The following CACNA1E variants were observed in gnomAD, a reference collection of about 807,000 sequenced individuals.
The protein encoded by CACNA1E is calcium voltage-gated channel subunit alpha1 E.
CACNA1E carries 40 observed loss-of-function variants against 259.2 expected under a neutral mutation model. The observed-to-expected ratio is 0.15, with a 90% confidence interval of 0.12 to 0.20. The LOEUF (loss-of-function observed/expected upper bound fraction) is 0.20, where lower values mean the gene tolerates loss of function less well. Among genes scored for constraint, CACNA1E ranks in the 10% least tolerant of loss-of-function variants. CACNA1E has a pLI of 1.00. For missense variants in CACNA1E, 1,874 were observed against 3,040.1 expected (o/e 0.62, Z 9.02); for synonymous variants, 1,104 against 1,138.5 (o/e 0.97, Z 0.61).
At chr1:181,583,850 A>G (rs147585721) in intron 6 of CACNA1E, among the ~76,000 whole-genome samples, 64 of 152,158 alleles carry the variant, frequency 4.2e-4, no homozygotes, top group African/African-American at 1.5e-3. Context: ...AAAACTGTCG[A>G]CAGTTCTGGC....
chr1:181,597,034 G>A (rs975933093), intron 6 of CACNA1E, among the ~76,000 whole-genome samples: 2 of 152,066 alleles, frequency 1.3e-5, no homozygotes, highest in African/African-American at 4.8e-5. Flanking sequence ...GCTCTGCCCT[G>A]CCTCCTCCCC....
At chr1:181,680,848 C>T (rs111278051) in intron 7 of CACNA1E, among the ~76,000 whole-genome samples, 344 of 152,334 alleles carry the variant, frequency 2.3e-3, no homozygotes, top group Admixed American at 5.9e-3. Context: ...TCCCTCCCAG[C>T]ATCAGTAGGA....
intron 2 of CACNA1E, among the ~76,000 whole-genome samples, chr1:181,423,678 T>TTTTTTTTTTTTTTTG (rs1658935631): frequency 1.5e-5 from 2 of 136,014 alleles, no homozygotes; most frequent in Non-Finnish European, 1.6e-5. Context: ...TTTTTTTTTT[T>TTTTTTTTTTTTTTTG]GCTGGCCTTT....
chr1:181,666,135 A>G (rs964845750), intron 7 of CACNA1E, among the ~76,000 whole-genome samples: 10 of 152,166 alleles, frequency 6.6e-5, no homozygotes, highest in Admixed American at 5.2e-4. Flanking sequence ...TTGTCTTTTT[A>G]AATGTTCTCC....
Position 181,798,741 on chromosome 1 carries a change from T to A in CACNA1E, c.6849T>A (p.Tyr2283Ter). Residue 2283 changes from tyrosine to a stop codon, truncating the protein, a stop_gained, in exon 48 of 48, where the codon TAT becomes TAA. Coordinates refer to ENST00000367573, the MANE Select transcript of CACNA1E (RefSeq NM_001205293.3). LOFTEE classifies it high-confidence loss of function. The surrounding 1 kb of genome is among the most constrained non-coding windows in gnomAD (Gnocchi z 4.2). The part of the protein sequence containing the change: ...RHSWQMPNGH[Y>*]RRRRRGGPGP... ...GCTGGCAGATGCCCAACGGGCACTA[T>A]CGGCGGCGGAGGCGCGGGGGGCCTG... The A allele has an allele frequency of 6.2e-7, 1 of 1,606,572 alleles. No homozygotes were observed. The highest frequency in any genetic ancestry group is 2.2e-5 in the East Asian group (1 of 44,694).
chr1:181,534,614 C>G (rs1668032285), intron 3 of CACNA1E, among the ~76,000 whole-genome samples: 1 of 151,784 alleles, frequency 6.6e-6, no homozygotes, highest in African/African-American at 2.4e-5. Flanking sequence ...AAGAATTTAT[C>G]CATGTAACCA....
intron 43 of CACNA1E, among the ~76,000 whole-genome samples, chr1:181,788,671 T>C (rs1470947105): frequency 1.3e-5 from 2 of 152,136 alleles, no homozygotes; most frequent in Non-Finnish European, 2.9e-5. Context: ...AGGAGGCTAG[T>C]GACGTAGGGA....
intron 2 of CACNA1E, among the ~76,000 whole-genome samples, chr1:181,426,232 C>T (rs751153815): frequency 1.3e-4 from 20 of 151,968 alleles, no homozygotes; most frequent in Admixed American, 4.6e-4. Context: ...CCATCTCAAC[C>T]CTTCCTCAAC....
intron 3 of CACNA1E, among the ~76,000 whole-genome samples, chr1:181,574,297 A>T (rs1197636905): frequency 1.3e-5 from 2 of 152,214 alleles, no homozygotes; most frequent in African/African-American, 4.8e-5. Context: ...TAAAATTTTT[A>T]AAAAAGAATA....
At chr1:181,385,504 A>G (rs1310565511) in intron 1 of CACNA1E, among the ~76,000 whole-genome samples, 3 of 152,198 alleles carry the variant, frequency 2.0e-5, no homozygotes, top group Non-Finnish European at 4.4e-5. Flanking sequence ...GGGATATTCA[A>G]GGAAGCTTTA....
intron 1 of CACNA1E, among the ~76,000 whole-genome samples, chr1:181,504,605 A>G (rs1037026532): frequency 6.6e-6 from 1 of 152,212 alleles, no homozygotes; most frequent in African/African-American, 2.4e-5. Context: ...TTTCAGGCTC[A>G]GGCAGATGAA....
At chr1:181,386,667 A>G (rs565214746) in intron 1 of CACNA1E, among the ~76,000 whole-genome samples, 16 of 152,320 alleles carry the variant, frequency 1.1e-4, no homozygotes, top group African/African-American at 3.8e-4. Flanking sequence ...ATTGTATTTT[A>G]TTGAAATGTA....
At chr1:181,535,632 A>G (rs1668109228) in intron 3 of CACNA1E, among the ~76,000 whole-genome samples, 1 of 150,904 alleles carries the variant, frequency 6.6e-6, no homozygotes, top group Non-Finnish European at 1.5e-5. Context: ...TAACCACTCG[A>G]TTGTTGTCTT....
chr1:181,556,071 C>T (rs1055462255), intron 3 of CACNA1E, among the ~76,000 whole-genome samples: 1 of 152,202 alleles, frequency 6.6e-6, no homozygotes, highest in Non-Finnish European at 1.5e-5. Flanking sequence ...TTTGTTGTGC[C>T]AGTGGTGGTT....
intron 35 of CACNA1E, among the ~76,000 whole-genome samples, chr1:181,767,283 G>A (rs1325819187): frequency 1.3e-5 from 2 of 152,154 alleles, no homozygotes; most frequent in Admixed American, 6.5e-5. Flanking sequence ...CTAAGCAGAA[G>A]AAGCCAAAGG....
chr1:181,651,288 C>A, intron 6 of CACNA1E, 50 bp from the exon 7 acceptor site: 1 of 1,206,916 alleles, frequency 8.3e-7, no homozygotes, highest in Non-Finnish European at 1.2e-6. Context: ...GTAAGCTTTA[C>A]TTATGGAAGA....
chr1:181,427,092 A>G (rs986599897), intron 2 of CACNA1E, among the ~76,000 whole-genome samples: 1 of 150,520 alleles, frequency 6.6e-6, no homozygotes, highest in Admixed American at 6.6e-5. Flanking sequence ...TCCTATCTCA[A>G]CCCCTTCACA....
intron 1 of CACNA1E, among the ~76,000 whole-genome samples, chr1:181,509,114 T>A (rs1471240940): frequency 6.6e-6 from 1 of 151,892 alleles, no homozygotes; most frequent in Non-Finnish European, 1.5e-5. Flanking sequence ...CACTGCCAAA[T>A]GAGGATTAAG....
At chr1:181,719,346 C>T (rs1248729922) in intron 12 of CACNA1E, among the ~76,000 whole-genome samples, 1 of 152,208 alleles carries the variant, frequency 6.6e-6, no homozygotes, top group Non-Finnish European at 1.5e-5. Flanking sequence ...AGGACCAAAA[C>T]ATTCTTGTTA....
Sources: allele counts gnomAD v4.1 joint callset (sites outside exome capture counted in the v4.1 genomes callset), GRCh38; gene constraint gnomAD v4.1.1; non-coding constraint Gnocchi (gnomAD v3.1); transcripts MANE v1.5; gene names NCBI Gene and HGNC (gene_info 2026-07-23, HGNC 2026-07-21).